Variants in SAMD5 observed in about 807,000 individuals in gnomAD.
SAMD5 encodes the protein sterile alpha motif domain containing 5.
SAMD5 carries 13 observed loss-of-function variants against 11.3 expected under a neutral mutation model. That is an observed-to-expected ratio of 1.15 (90% confidence interval 0.75 to 1.83). The LOEUF (loss-of-function observed/expected upper bound fraction) is 1.83, where lower values mean the gene tolerates loss of function less well. Ranked by LOEUF, SAMD5 falls within the 40% of genes most tolerant of loss-of-function variation. The pLI is 0.00. For missense variants in SAMD5, 255 were observed against 239.1 expected, an observed-to-expected ratio of 1.07 and a Z score of -0.44; for synonymous variants, 129 against 111.3, an observed-to-expected ratio of 1.16 and a Z score of -1.00.
the SAMD5 span, among the ~76,000 whole-genome samples, chr6:147,819,671 A>T: frequency 1.3e-5 from 2 of 152,172 alleles, no homozygotes; most frequent in Non-Finnish European, 2.9e-5. Context: ...AGCTTTCCCC[A>T]CATGGGGACT....
chr6:147,690,171 A>G (rs965157010), intron 1 of SAMD5, among the ~76,000 whole-genome samples: 2 of 152,218 alleles, frequency 1.3e-5, no homozygotes, highest in African/African-American at 2.4e-5. Context: ...GAAAATTAGG[A>G]TATCTATTTT....
In SAMD5 at chr6:147,666,552, G is replaced by A. The variant is rs118165360; in HGVS notation, c.163-70765G>A. 6.9e-3 allele frequency among the ~76,000 whole-genome samples: 1,050 copies of A among 152,152 alleles called. 4 individuals are homozygous for A. The highest frequency in any genetic ancestry group is 0.012 in the Non-Finnish European group (789 of 67,996). On this transcript the variant is annotated intron_variant, in intron 1 of 1. Transcript: ENST00000566741. ...TCTTAAACTACTTTAGAAAGCAGAT[G>A]AGGACTGAAATAGTCTCCCCTGGCA...
the SAMD5 span, among the ~76,000 whole-genome samples, chr6:147,790,787 TC>T: frequency 1.1e-5 from 1 of 89,870 alleles, no homozygotes. Context: ...TCTCTCTCTC[TC>T]TCTCTCTCTC....
chr6:147,532,746 C>T (rs547582710), intron 1 of SAMD5, among the ~76,000 whole-genome samples: 2 of 152,288 alleles, frequency 1.3e-5, no homozygotes, highest in Non-Finnish European at 2.9e-5. Context: ...TACATTCCCA[C>T]CCACAGTATC....
the SAMD5 span, among the ~76,000 whole-genome samples, chr6:147,807,504 C>G: frequency 4.6e-5 from 7 of 152,128 alleles, no homozygotes; most frequent in Non-Finnish European, 8.8e-5. Flanking sequence ...AAACAAGACT[C>G]AGAGGAATGA....
At chr6:147,637,921 T>A (rs10872602) in intron 1 of SAMD5, among the ~76,000 whole-genome samples, 79,706 of 151,498 alleles carry the variant, frequency 0.53, 22,662 homozygotes, top group South Asian at 0.71. Flanking sequence ...GCCATTATTA[T>A]TTTCTCTCAT....
the SAMD5 span, among the ~76,000 whole-genome samples, chr6:147,811,471 G>T: frequency 7.2e-5 from 11 of 152,176 alleles, no homozygotes; most frequent in Non-Finnish European, 1.5e-4. Flanking sequence ...TGGACCCATG[G>T]ATAGCTTTTG....
intron 1 of SAMD5, among the ~76,000 whole-genome samples, chr6:147,625,830 G>A (rs1197465472): frequency 6.6e-6 from 1 of 152,196 alleles, no homozygotes; most frequent in African/African-American, 2.4e-5. Flanking sequence ...CTAAGGCATT[G>A]TGGCAAACTG....
At chr6:147,912,738 G>GA in the SAMD5 span, among the ~76,000 whole-genome samples, 3 of 151,942 alleles carry the variant, frequency 2.0e-5, no homozygotes, top group Non-Finnish European at 4.4e-5. Flanking sequence ...TATGCAGCTG[G>GA]AAAAAAATGG....
At chr6:147,849,511 A>G in the SAMD5 span, among the ~76,000 whole-genome samples, 63 of 152,318 alleles carry the variant, frequency 4.1e-4, no homozygotes, top group African/African-American at 1.4e-3. Context: ...TCAAGGTCAT[A>G]TTTAAGTACT....
At chr6:147,914,072 G>A in the SAMD5 span, among the ~76,000 whole-genome samples, 3 of 152,062 alleles carry the variant, frequency 2.0e-5, no homozygotes, top group African/African-American at 7.2e-5. Flanking sequence ...GCGACCCACA[G>A]GCCGCATACG....
Position 147,710,040 on chromosome 6 carries a change from G to A in SAMD5, c.163-27277G>A, listed in dbSNP as rs570738930. Among the ~76,000 whole-genome samples, 204 of 152,272 alleles carry A rather than the reference G, an allele frequency of 1.3e-3. 1 individual carries two copies. Among genetic ancestry groups the A allele is most frequent in the African/African-American group, 4.6e-3 (192 of 41,552 alleles). On this transcript the variant is annotated intron_variant, in intron 1 of 1. Coordinates refer to the SAMD5 transcript ENST00000566741. ...CTGTCTACCTCCAAATTCATTTCCT[G>A]CAACTACCTTTTTGTGCCTGTTGTC...
the SAMD5 span, among the ~76,000 whole-genome samples, chr6:147,794,190 A>G: frequency 6.6e-6 from 1 of 152,220 alleles, no homozygotes; most frequent in African/African-American, 2.4e-5. Context: ...AAATCCGATT[A>G]TGTTTATTTG....
intron 1 of SAMD5, among the ~76,000 whole-genome samples, chr6:147,694,607 A>G (rs1391485335): frequency 8.5e-5 from 13 of 152,182 alleles, no homozygotes; most frequent in Admixed American, 8.5e-4. Context: ...GCTTGAGTCC[A>G]GGAGTTTGAG....
chr6:147,839,931 C>G, the SAMD5 span, among the ~76,000 whole-genome samples: 1 of 152,146 alleles, frequency 6.6e-6, no homozygotes, highest in Non-Finnish European at 1.5e-5. Flanking sequence ...AATGAGGAAA[C>G]AGAAGCTCAG....
chr6:147,517,714 G>A (rs367931893), intron 1 of SAMD5, among the ~76,000 whole-genome samples: 244 of 152,178 alleles, frequency 1.6e-3, no homozygotes, highest in African/African-American at 5.3e-3. Flanking sequence ...AACATTCTTT[G>A]GAGTATCTTC....
chr6:147,634,933 T>TGTACACTGA (rs149642619), intron 1 of SAMD5, among the ~76,000 whole-genome samples: 2 of 151,756 alleles, frequency 1.3e-5, no homozygotes, highest in South Asian at 4.1e-4. Context: ...TGAAGCCACT[T>TGTACACTGA]AGTAGTACAC....
At chr6:147,608,265 G>A (rs532275012) in intron 1 of SAMD5, among the ~76,000 whole-genome samples, 14 of 152,272 alleles carry the variant, frequency 9.2e-5, no homozygotes, top group African/African-American at 3.1e-4. Context: ...GCTACCATGT[G>A]ATCCACCAAT....
chr6:147,644,892 C>T (rs1309059313), intron 1 of SAMD5, among the ~76,000 whole-genome samples: 1 of 152,138 alleles, frequency 6.6e-6, no homozygotes, highest in Non-Finnish European at 1.5e-5. Flanking sequence ...AAATTAGGAT[C>T]AGTGTCAGAA....
Sources: gnomAD v4.1 joint callset for allele counts (sites outside exome capture counted in the v4.1 genomes callset) on GRCh38, gnomAD v4.1.1 for gene constraint, MANE v1.5 for transcripts, NCBI Gene and HGNC (gene_info 2026-07-23, HGNC 2026-07-21) for gene names.